Variants in IFT46 observed in about 807,000 individuals in gnomAD.
The protein encoded by IFT46 is intraflagellar transport 46.
IFT46 carries 19 observed loss-of-function variants against 39.6 expected under a neutral mutation model. The ratio of observed to expected loss-of-function variants is 0.48; its 90% confidence interval spans 0.33 to 0.70. The LOEUF (loss-of-function observed/expected upper bound fraction) is 0.70, where lower values mean the gene tolerates loss of function less well. IFT46 is among the 30% of genes least tolerant of loss of function. The pLI, the probability that IFT46 is intolerant of heterozygous loss-of-function variation, is 0.01. For missense variants in IFT46, 334 were observed against 364.8 expected, an observed-to-expected ratio of 0.92 and a Z score of 0.69; for synonymous variants, 117 against 134.8, an observed-to-expected ratio of 0.87 and a Z score of 0.91.
chr11:118,574,854 A>T (rs79024858), upstream of IFT46, among the ~76,000 whole-genome samples: 1,768 of 152,074 alleles, frequency 0.012, 37 homozygotes, highest in African/African-American at 0.041. Flanking sequence ...GCGGCCTAGA[A>T]CTCCTAGCCT....
intron 2 of IFT46, chr11:118,560,893 T>C: frequency 3.7e-6 from 3 of 812,816 alleles, no homozygotes; most frequent in Non-Finnish European, 6.5e-6. Context: ...CTTATGCCCG[T>C]ATAGAGGGGG....
Position 118,559,803 on chromosome 11 carries a change from A to T in IFT46, c.27T>A (p.Cys9Ter). MADNSSDECEEENNKEKKK... is the reference protein window; with the variant it reads MADNSSDE The stretch of plus-strand genomic sequence containing the variant: ...ACTGTACCTTGTTATTTTCCTCTTC[A>T]CACTCATCACTGCTGTTATCAGCCA... Residue 9 changes from cysteine to a stop codon, truncating the protein, a stop_gained, in exon 3 of 12, where the codon TGT becomes TGA. Coordinates refer to ENST00000264021, the MANE Select transcript of IFT46 (RefSeq NM_001168618.2). LOFTEE classifies it high-confidence loss of function. 3 of 1,613,538 alleles carry T rather than the reference A, an allele frequency of 1.9e-6. No individual in the cohort carries two copies. Among genetic ancestry groups the T allele is most frequent in the Non-Finnish European group, 2.5e-6 (3 of 1,179,454 alleles).
At chr11:118,572,642 G>T in exon 1 of IFT46, 1 of 1,513,170 alleles carries the variant, frequency 6.6e-7, no homozygotes, top group Non-Finnish European at 9.0e-7. Flanking sequence ...GAGGAGCCCC[G>T]CCCTGAGGGT....
At chr11:118,560,626 C>A in intron 2 of IFT46, 1 of 418,482 alleles carries the variant, frequency 2.4e-6, no homozygotes, top group South Asian at 2.6e-5. Flanking sequence ...GCCTTTTCAC[C>A]CCCTAGCACT....
intron 9 of IFT46, among the ~76,000 whole-genome samples, chr11:118,550,296 C>G (rs1305455670): frequency 6.6e-6 from 1 of 152,130 alleles, no homozygotes; most frequent in African/African-American, 2.4e-5. Context: ...TGAGAAACAC[C>G]TAACTATCCT....
chr11:118,551,503 G>A (rs1009295775), intron 9 of IFT46, among the ~76,000 whole-genome samples: 7 of 151,764 alleles, frequency 4.6e-5, no homozygotes, highest in Admixed American at 2.0e-4. Flanking sequence ...GCAAGACCTC[G>A]TCTCTACCAA....
intron 9 of IFT46, chr11:118,546,301 C>T (rs1211555441): frequency 8.1e-6 from 5 of 617,360 alleles, no homozygotes; most frequent in African/African-American, 7.4e-5. Context: ...AGTTCGAGAC[C>T]AGCCTGGGCA....
intron 7 of IFT46, among the ~76,000 whole-genome samples, chr11:118,552,879 C>T (rs1937693872): frequency 6.8e-6 from 1 of 148,130 alleles, no homozygotes; most frequent in Non-Finnish European, 1.5e-5. Context: ...TGAGGTCAGC[C>T]TAGACAACAT....
chr11:118,567,601 T>C (rs1327803709), upstream of IFT46, among the ~76,000 whole-genome samples: 1 of 152,180 alleles, frequency 6.6e-6, no homozygotes, highest in East Asian at 1.9e-4. Context: ...GCAATACATT[T>C]TAAAAAGAAA....
At chr11:118,572,653 C>T in exon 1 of IFT46, 1 of 1,463,098 alleles carries the variant, frequency 6.8e-7, no homozygotes, top group Non-Finnish European at 9.3e-7. Context: ...CCCTGAGGGT[C>T]TAGGGCAGAG....
Position 118,555,055 on chromosome 11 carries a change from G to A in IFT46, c.289C>T (p.His97Tyr). The change falls in exon 6 of 12, where the codon CAC becomes TAC. Residue 97 changes from histidine (H) to tyrosine (Y), a missense_variant. Coordinates refer to ENST00000264021, the MANE Select transcript of IFT46 (RefSeq NM_001168618.2). ...RYTPQLIDLD[H>Y]KLKPFIPDFI... ...TCAGGAATGAAAGGCTTCAGTTTGT[G>A]GTCCAGGTCAATCAACTGAGGTGTG... is the stretch of plus-strand genomic sequence containing the variant. 1 of 1,613,810 alleles carries A rather than the reference G, an allele frequency of 6.2e-7. No homozygotes were observed. The highest frequency in any genetic ancestry group is 8.5e-7 in the Non-Finnish European group (1 of 1,179,710).
Position 118,544,724 on chromosome 11 carries a change from G to T in IFT46, c.*192C>A. The T allele has an allele frequency of 7.2e-6, 4 of 556,266 alleles. No homozygotes were observed. Among genetic ancestry groups the T allele is most frequent in the Non-Finnish European group, 1.3e-5 (4 of 310,548 alleles). 34.5% of individuals were successfully genotyped at this position (556,266 alleles called of 1,614,324 possible). A position where few individuals can be genotyped will look rare whatever the true frequency, so the allele number is the denominator to read the frequency against. ...TAGATGCATTAACTCCCCGGGGACA[G>T]CAATCTGAGGCAGGCAGGTTCATTA... On this transcript the variant is annotated 3_prime_UTR_variant, in exon 12 of 12. Coordinates refer to ENST00000264021, the MANE Select transcript of IFT46 (RefSeq NM_001168618.2).
chr11:118,568,659 C>T (rs1208825189), upstream of IFT46, among the ~76,000 whole-genome samples: 1 of 151,566 alleles, frequency 6.6e-6, no homozygotes, highest in Admixed American at 6.6e-5. Context: ...AGTTTGTACC[C>T]ATTGTCACTT....
At position 118,565,819 on chromosome 11, in the gene IFT46, T is replaced by C. The variant is rs1403168611; in HGVS notation, c.-162A>G. On this transcript the variant is annotated 5_prime_UTR_variant, in exon 1 of 12. Transcript: ENST00000264021. ...AGCCCTTCTGAATCCGTCTCCTCTA[T>C]AATGGAAAGAACCCCAGCCTAGGGC... 1 of 152,622 alleles carries C rather than the reference T, an allele frequency of 6.6e-6. No homozygotes were observed. Among genetic ancestry groups the C allele is most frequent in the Non-Finnish European group, 1.5e-5 (1 of 68,068 alleles). The allele number at this position is 152,622 out of a possible 1,614,324, so 9.5% of individuals were successfully genotyped here. A position where few individuals can be genotyped will look rare whatever the true frequency, so the allele number is the denominator to read the frequency against.
intron 1 of IFT46, among the ~76,000 whole-genome samples, chr11:118,571,847 G>A (rs1263378745): frequency 6.6e-6 from 1 of 152,146 alleles, no homozygotes; most frequent in Non-Finnish European, 1.5e-5. Flanking sequence ...CCCAACATTG[G>A]GAGGCTGAGG....
chr11:118,554,348 A>G (rs55857590), intron 7 of IFT46, 111 bp downstream of exon 7: 172,171 of 1,142,934 alleles, frequency 0.15, 16,610 homozygotes, highest in East Asian at 0.45. Context: ...GAGCCACCGC[A>G]CCCAGGCCCA....
intron 2 of IFT46, among the ~76,000 whole-genome samples, chr11:118,562,458 TTAAAA>T (rs1555070746): frequency 6.6e-6 from 1 of 151,816 alleles, no homozygotes; most frequent in African/African-American, 2.4e-5. Flanking sequence ...AAAAATTAAA[TTAAAA>T]TAAAAGTATA....
chr11:118,573,544 T>C, upstream of IFT46: 1 of 546,686 alleles, frequency 1.8e-6, no homozygotes, highest in Non-Finnish European at 3.3e-6. Context: ...TAGTAATTTA[T>C]TTTTCAGTGC....
chr11:118,562,814 C>T (rs145494276), intron 2 of IFT46, among the ~76,000 whole-genome samples: 1,603 of 152,220 alleles, frequency 0.011, 31 homozygotes, highest in African/African-American at 0.037. Context: ...GCCTGTAATC[C>T]CAACACTTTG....
Sources: allele counts gnomAD v4.1 joint callset (sites outside exome capture counted in the v4.1 genomes callset), GRCh38; gene constraint gnomAD v4.1.1; transcripts MANE v1.5; gene names NCBI Gene and HGNC (gene_info 2026-07-23, HGNC 2026-07-21).